The following CPSF1 variants were observed in gnomAD, a reference collection of about 807,000 sequenced individuals.
The protein encoded by CPSF1 is cleavage and polyadenylation specific factor 1.
In CPSF1, 106 loss-of-function variants were observed where a neutral mutation model predicts 175.8. That is an observed-to-expected ratio of 0.60 (90% CI 0.52 to 0.71). CPSF1 has a LOEUF of 0.71. CPSF1 is among the 30% of genes least tolerant of loss of function. CPSF1 has a pLI of 0.00. For missense variants in CPSF1, 1,734 were observed against 2,022.9 expected (o/e 0.86, Z 2.74); for synonymous variants, 1,024 against 858.3 (o/e 1.19, Z -3.37).
Position 144,393,448 on chromosome 8 carries a change from T to C in CPSF1, c.4284+4A>G. On this transcript the variant is annotated splice_donor_region_variant and intron_variant, in intron 37 of 37. Transcript: ENST00000616140. ...GGCGCGCGGGGGGCGGGGCGCGCAC[T>C]CACTATGTCTGGTGTGGTGCCGATC... The C allele has an allele frequency of 6.5e-7, 1 of 1,548,164 alleles. No individual in the cohort carries two copies. Among genetic ancestry groups the C allele is most frequent in the Non-Finnish European group, 8.7e-7 (1 of 1,146,916 alleles).
rs782325495 is a variant in CPSF1, at chr8:144,396,470, G to A, written c.2857C>T (p.Leu953Phe). 2 of 1,607,388 alleles carry A rather than the reference G, an allele frequency of 1.2e-6. No individual in the cohort carries two copies. The highest frequency in any genetic ancestry group is 8.5e-7 in the Non-Finnish European group (1 of 1,177,750). ...VFICGPSPHWLLVTGRGALRL... is the reference protein window; with the variant it reads ...VFICGPSPHWFLVTGRGALRL... ...AGAGCCCCTCGGCCGGTCACCAAGA[G>A]CCAGTGAGGGGAGGGGCCGCAGATG... is the stretch of plus-strand genomic sequence containing the variant. Residue 953 changes from leucine to phenylalanine, a missense_variant, in exon 26 of 38, where the codon CTC becomes TTC. Leu to Phe is a conservative substitution (Grantham distance 22, BLOSUM62 0). Coordinates refer to ENST00000616140, the MANE Select transcript of CPSF1 (RefSeq NM_013291.3).
chr8:144,398,167 A>AGGGCCCAACCACCTCCCTG (rs61412847), intron 19 of CPSF1, 35 bp from the exon 20 acceptor site: 2 of 596,208 alleles, frequency 3.4e-6, no homozygotes, highest in Non-Finnish European at 4.6e-6. Flanking sequence ...GCGCCTCCCC[A>AGGGCCCAACCACCTCCCTG]CCACCGTCCC....
chr8:144,394,468 T>G lies in CPSF1; in HGVS notation c.3655A>C (p.Lys1219Gln). 6.2e-7 allele frequency: 1 copy of G among 1,609,088 alleles called. No individual in the cohort carries two copies. Among genetic ancestry groups the G allele is most frequent in the Non-Finnish European group, 8.5e-7 (1 of 1,178,466 alleles). Residue 1219 changes from lysine to glutamine, a missense_variant, in exon 32 of 38, where the codon AAG becomes CAG. By Grantham distance (53) the Lys-to-Gln change is moderately conservative. Transcript: ENST00000616140. ...ACGTCGGCTGCCAGGATGAAGTTCTTGACGCTGATCATCTGGTGTATGTAG... is the reference window on the plus strand; with the variant it reads ...ACGTCGGCTGCCAGGATGAAGTTCTGGACGCTGATCATCTGGTGTATGTAG... ...QLYIHQMISV[K>Q]NFILAADVMK...
In CPSF1 at chr8:144,400,145, C is replaced by A. The variant is rs2116872336; in HGVS notation, c.937+21G>T. ...CCAAGCCGTCCCCGGGCCCCCCCCG[C>A]CCCAGCCACCCCACACTCACGAAGC... On this transcript the variant is annotated intron_variant, in intron 9 of 37. Transcript: ENST00000616140. 1.4e-5 allele frequency: 19 copies of A among 1,367,550 alleles called. 2 individuals carry two copies. Among genetic ancestry groups the A allele is most frequent in the Non-Finnish European group, 1.8e-5 (18 of 1,001,286 alleles). 84.7% of individuals were successfully genotyped at this position (1,367,550 alleles called of 1,614,324 possible).
chr8:144,399,747 C>G lies in CPSF1; in HGVS notation c.1119+34G>C, dbSNP rs1821041743. 6.3e-7 allele frequency: 1 copy of G among 1,597,514 alleles called. No individual in the cohort carries two copies. Among genetic ancestry groups the G allele is most frequent in the Non-Finnish European group, 8.5e-7 (1 of 1,172,512 alleles). On this transcript the variant is annotated intron_variant, in intron 11 of 37. Transcript: ENST00000616140. The surrounding 1 kb of genome is among the most constrained non-coding windows in gnomAD (Gnocchi z 6.4). The stretch of plus-strand genomic sequence containing the variant: ...CAGGTGTGTGATGGCTGGGCCGGGT[C>G]TGGACCCAGACCCAACCCCTAGTCC...
At chr8:144,393,845 G>C (rs1554862404) in intron 35 of CPSF1, 38 bp downstream of exon 35, 3 of 1,600,904 alleles carry the variant, frequency 1.9e-6, no homozygotes, top group African/African-American at 2.7e-5. Context: ...CCAACCCTAG[G>C]GCCCCCCACC....
In CPSF1 at chr8:144,394,275, C is replaced by A. The variant is rs376066671; in HGVS notation, c.3770G>T (p.Ser1257Ile). The part of the protein sequence containing the change: ...SRDAKPLEVY[S>I]VDFMVDNAQL... The stretch of plus-strand genomic sequence containing the variant: ...GGCATTGTCCACCATGAAGTCCACG[C>A]TGTACACCTCCAGGGGCTTGGCATC... The change falls in exon 33 of 38, where the codon AGC becomes ATC. Residue 1257 changes from serine (S) to isoleucine (I), a missense_variant. Ser to Ile is a moderately radical substitution (Grantham distance 142). Around this residue, in one of 10 missense-constraint regions of CPSF1, gnomAD observed 323 missense variants for 338.5 expected, o/e 0.95. Coordinates refer to ENST00000616140, the MANE Select transcript of CPSF1 (RefSeq NM_013291.3). The A allele has an allele frequency of 6.2e-7, 1 of 1,600,704 alleles. No individual in the cohort carries two copies. The highest frequency in any genetic ancestry group is 8.5e-7 in the Non-Finnish European group (1 of 1,172,376).
chr8:144,404,528 ATT>A (rs573824201), intron 2 of CPSF1, among the ~76,000 whole-genome samples: 4 of 141,460 alleles, frequency 2.8e-5, no homozygotes, highest in Non-Finnish European at 1.6e-5. Flanking sequence ...ACCACGCCTA[ATT>A]TTTTTTTTTT....
Position 144,393,709 on chromosome 8 carries a change from G to A in CPSF1, c.4103C>T (p.Thr1368Ile), listed in dbSNP as rs782807297. Residue 1368 changes from threonine (T) to isoleucine (I), a missense_variant, in exon 36 of 38, where the codon ACC (threonine) becomes ATC (isoleucine). By Grantham distance (89) the Thr-to-Ile change is moderately conservative (BLOSUM62 -1). Around this residue, in one of 10 missense-constraint regions of CPSF1, gnomAD observed 323 missense variants for 338.5 expected, o/e 0.95. Coordinates refer to ENST00000616140, the MANE Select transcript of CPSF1 (RefSeq NM_013291.3). ...RLLMLQNALT[T>I]MLPHHAGLNP... ...GAGGCCGGCGTGGTGTGGCAGCATG[G>A]TGGTCAGCGCGTTCTGCAGCATCAG... 1.1e-5 allele frequency: 17 copies of A among 1,567,314 alleles called. No homozygotes were observed. The South Asian group carries it at 2.0e-4, about 18-fold the overall frequency.
At chr8:144,400,609 C>G in intron 7 of CPSF1, 62 bp downstream of exon 7, 1 of 1,594,400 alleles carries the variant, frequency 6.3e-7, no homozygotes, top group Non-Finnish European at 8.5e-7. Context: ...CCCATGGGCC[C>G]CACCCCAGGC....
At position 144,395,050 on chromosome 8, in the gene CPSF1, C is replaced by T. The variant is rs782717952; in HGVS notation, c.3273-27G>A. 48 of 1,603,660 alleles carry T rather than the reference C, an allele frequency of 3.0e-5. No homozygotes were observed. In the Admixed American group the frequency reaches 7.9e-4, roughly 26 times the overall value. On this transcript the variant is annotated intron_variant, in intron 29 of 37. Coordinates refer to ENST00000616140, the MANE Select transcript of CPSF1 (RefSeq NM_013291.3). ...TGTGGGGGCCAGGGGCCTCAGGATG[C>T]TGCCTGGAGGCCTTGGGCAGACCCC...
chr8:144,401,587 G>A (rs2116885953), intron 3 of CPSF1, 24 bp from the exon 4 acceptor site: 6 of 1,612,830 alleles, frequency 3.7e-6, no homozygotes, highest in Middle Eastern at 1.7e-4. Flanking sequence ...CAGGGCTCAG[G>A]GTCAGGGCCC....
intron 2 of CPSF1, among the ~76,000 whole-genome samples, chr8:144,406,997 C>A (rs1342091176): frequency 1.3e-5 from 2 of 152,208 alleles, no homozygotes; most frequent in South Asian, 2.1e-4. Context: ...CTCACTGCAA[C>A]CTCCGCCTAC....
intron 22 of CPSF1, 25 bp from the exon 23 acceptor site, chr8:144,397,438 G>A: frequency 6.3e-7 from 1 of 1,579,824 alleles, no homozygotes; most frequent in Non-Finnish European, 8.6e-7. Flanking sequence ...GCAGTCAGTG[G>A]AGGCAGGTGG....
At chr8:144,394,347 C>T in intron 32 of CPSF1, 32 bp downstream of exon 32, 1 of 1,590,030 alleles carries the variant, frequency 6.3e-7, no homozygotes, top group South Asian at 1.1e-5. Context: ...CGGGTACCCA[C>T]CCAGACACGA....
rs2116912648 is a variant in CPSF1, at chr8:144,409,007, C to T, written c.144+8G>A. 117 of 1,611,898 alleles carry T rather than the reference C, an allele frequency of 7.3e-5. No homozygotes were observed. In the East Asian group the frequency reaches 1.3e-3, roughly 18 times the overall value. On this transcript the variant is annotated splice_region_variant and intron_variant, in intron 2 of 37. Transcript: ENST00000616140. The stretch of plus-strand genomic sequence containing the variant: ...GACAGCCGGGAGGGCTCCCAGGGCC[C>T]GACCTACCTCGGCGTCGCGGTTGAG...
chr8:144,401,111 A>G (rs2116881435), intron 5 of CPSF1, 36 bp from the exon 6 acceptor site: 1 of 1,564,818 alleles, frequency 6.4e-7, no homozygotes, highest in Non-Finnish European at 8.7e-7. Context: ...GGCCCAGCAT[A>G]GGAGACCCCG....
chr8:144,394,140 G>T lies in CPSF1; in HGVS notation c.3832C>A (p.Leu1278Ile), dbSNP rs782171639. Reference protein sequence around the residue: ...GFLVSDRDRNLMVYMYLPEAK... With the variant: ...GFLVSDRDRNIMVYMYLPEAK... ...TCGGGCAGGTACATGTACACCATGA[G>T]GTTGCGGTCGCGGTCAGACACTGGG... Residue 1278 changes from leucine (L) to isoleucine (I), a missense_variant, in exon 34 of 38, where the codon CTC (leucine) becomes ATC (isoleucine). Leu to Ile is a conservative substitution (Grantham distance 5, BLOSUM62 2). Coordinates refer to ENST00000616140, the MANE Select transcript of CPSF1 (RefSeq NM_013291.3). 6.2e-6 allele frequency: 10 copies of T among 1,612,804 alleles called. No homozygotes were observed. In the African/African-American group the frequency reaches 1.1e-4, roughly 17 times the overall value.
In CPSF1 at chr8:144,399,701, T is replaced by C. The variant is rs1554865697; in HGVS notation, c.1129A>G (p.Met377Val). 15 of 1,609,558 alleles carry C rather than the reference T, an allele frequency of 9.3e-6. No homozygotes were observed. Among genetic ancestry groups the C allele is most frequent in the African/African-American group, 1.3e-5 (1 of 74,836 alleles). ...ASVLTTSMVT[M>V]EPGYLFLGSR... The stretch of plus-strand genomic sequence containing the variant: ...CCCAGGAACAGGTACCCGGGCTCCA[T>C]GGTGACCATCTGAGGGAGGGCAGGT... The change falls in exon 12 of 38, where the codon ATG becomes GTG. Residue 377 changes from methionine to valine, a missense_variant. Coordinates refer to ENST00000616140, the MANE Select transcript of CPSF1 (RefSeq NM_013291.3). This position sits in a 1 kb window ranked among gnomAD's most constrained non-coding sequence, Gnocchi z 6.4.
Sources: gnomAD v4.1 joint callset for allele counts (sites outside exome capture counted in the v4.1 genomes callset) on GRCh38, gnomAD v4.1.1 for gene constraint, gnomAD v4.1.1 regional missense constraint, Gnocchi (gnomAD v3.1) non-coding constraint, MANE v1.5 for transcripts, NCBI Gene and HGNC (gene_info 2026-07-23, HGNC 2026-07-21) for gene names.